The following PTCH1 variants were observed in gnomAD, a reference collection of about 807,000 sequenced individuals.
PTCH1 encodes patched 1, also known as protein patched homolog 1.
PTCH1 carries 14 observed loss-of-function variants against 144.6 expected under a neutral mutation model. The observed-to-expected ratio is 0.10, with a 90% confidence interval of 0.06 to 0.15. The LOEUF (loss-of-function observed/expected upper bound fraction) is 0.15. Among genes scored for constraint, PTCH1 ranks in the 10% least tolerant of loss-of-function variants. The probability of loss-of-function intolerance (pLI) is 1.00; values close to 1 mark genes in which losing one functional copy is unlikely to be tolerated. For synonymous variants in PTCH1, 833 were observed against 793.6 expected, an observed-to-expected ratio of 1.05 and a Z score of -0.83; for missense variants, 1,623 against 1,948.3, an observed-to-expected ratio of 0.83 and a Z score of 3.14.
At chr9:95,493,129 G>A (rs1842542099) in intron 2 of PTCH1, among the ~76,000 whole-genome samples, 1 of 152,210 alleles carries the variant, frequency 6.6e-6, no homozygotes, top group Non-Finnish European at 1.5e-5. Flanking sequence ...CAGGTGGGAT[G>A]CCAGCTGACC....
intron 1 of PTCH1, chr9:95,507,920 G>GCACA (rs763385604): frequency 3.1e-6 from 3 of 957,700 alleles, no homozygotes; most frequent in African/African-American, 2.4e-5. Flanking sequence ...ACACACACAC[G>GCACA]CACACACACA....
In PTCH1 at chr9:95,447,112, G is replaced by A. The variant is rs377484697; in HGVS notation, c.4144C>T (p.His1382Tyr). Residue 1382 changes from histidine (H) to tyrosine (Y), a missense_variant, in exon 23 of 24, where the codon CAC becomes TAC. Physicochemically the swap from His to Tyr is moderately conservative, Grantham distance 83. Around this residue, in one of 7 missense-constraint regions of PTCH1, gnomAD observed 291 missense variants for 287.4 expected, o/e 1.01. Coordinates refer to ENST00000331920, the MANE Select transcript of PTCH1 (RefSeq NM_000264.5). ...TASASVTVAV[H>Y]PPPVPGPGRN... is the part of the protein sequence containing the mutation. ...CCAGGCCCAGGGACAGGCGGCGGGT[G>A]CACGGCGACAGTCACGGAGGCAGAA... is the stretch of plus-strand genomic sequence containing the variant. The A allele has an allele frequency of 2.5e-6, 4 of 1,613,392 alleles. No individual in the cohort carries two copies. Among genetic ancestry groups the A allele is most frequent in the African/African-American group, 2.7e-5 (2 of 74,948 alleles).
At chr9:95,512,324 G>A (rs1564095836), upstream of PTCH1, among the ~76,000 whole-genome samples, 1 of 152,204 alleles carries the variant, frequency 6.6e-6, no homozygotes. Flanking sequence ...CTACCCGTGG[G>A]TTCCAGGACG....
intron 22 of PTCH1, 93 bp downstream of exon 22, chr9:95,448,976 T>C: frequency 6.5e-7 from 1 of 1,545,230 alleles, no homozygotes; most frequent in East Asian, 2.3e-5. Flanking sequence ...GCCTGTGTGA[T>C]GTGCTGCTCA....
Position 95,489,055 on chromosome 9 carries a change from A to G in PTCH1, c.395-3181T>C, listed in dbSNP as rs1050659291. Among the ~76,000 whole-genome samples, 3 of 152,206 alleles carry G rather than the reference A, an allele frequency of 2.0e-5. No individual in the cohort carries two copies. In the South Asian group the frequency reaches 6.2e-4, roughly 32 times the overall value. The stretch of plus-strand genomic sequence containing the variant: ...TCCCTCTCGGGTATAACTGTGTCAT[A>G]AAGTGCACGACACTCATATATTCTG... On this transcript the variant is annotated intron_variant, in intron 2 of 23. Transcript: ENST00000331920.
chr9:95,491,478 G>T (rs748777587), intron 2 of PTCH1, among the ~76,000 whole-genome samples: 1 of 152,192 alleles, frequency 6.6e-6, no homozygotes, highest in Non-Finnish European at 1.5e-5. Flanking sequence ...ACCCAAGAGC[G>T]GAGCAAGTGT....
Position 95,482,037 on chromosome 9 carries a change from T to C in PTCH1, c.658A>G (p.Ile220Val), listed in dbSNP as rs768776930. 1.9e-6 allele frequency: 3 copies of C among 1,613,392 alleles called. No homozygotes were observed. In the African/African-American group the frequency reaches 4.0e-5, roughly 22 times the overall value. Residue 220 changes from isoleucine (I) to valine (V), a missense_variant, in exon 5 of 24, where the codon ATA (isoleucine) becomes GTA (valine). Ile to Val is a conservative substitution (Grantham distance 29). Around this residue, in one of 7 missense-constraint regions of PTCH1, gnomAD observed 39 missense variants for 75.6 expected, o/e 0.52. Coordinates refer to ENST00000331920, the MANE Select transcript of PTCH1 (RefSeq NM_000264.5). Reference sequence around the variant, plus strand: ...ATCAAACAAGGGTAAAGATATTCTATTATCTGTCAAAGTTAAAAAGAAGAG... The same window carrying C: ...ATCAAACAAGGGTAAAGATATTCTACTATCTGTCAAAGTTAAAAAGAAGAG... ...ITETGYMDQI[I>V]EYLYPCLIIT... is the part of the protein sequence containing the mutation.
chr9:95,498,514 C>T lies in PTCH1; in HGVS notation c.394+7893G>A, dbSNP rs139084622. Among the ~76,000 whole-genome samples the T allele has an allele frequency of 2.5e-3, 380 of 152,312 alleles. 3 individuals carry two copies. The highest frequency in any genetic ancestry group is 8.5e-3 in the African/African-American group (355 of 41,550). On this transcript the variant is annotated intron_variant, in intron 2 of 23. Coordinates refer to ENST00000331920, the MANE Select transcript of PTCH1 (RefSeq NM_000264.5). Reference sequence around the variant, plus strand: ...ACAGTCATATTCCCTCCTGGAGGGACTAAGGATGGGGCGCATCTTCCTGTA... The same window carrying T: ...ACAGTCATATTCCCTCCTGGAGGGATTAAGGATGGGGCGCATCTTCCTGTA...
chr9:95,492,097 A>C (rs1216831502), intron 2 of PTCH1, among the ~76,000 whole-genome samples: 1 of 152,216 alleles, frequency 6.6e-6, no homozygotes, highest in Non-Finnish European at 1.5e-5. Flanking sequence ...TCGCCCCTAC[A>C]CAACCCACTC....
At position 95,445,810 on chromosome 9, in the gene PTCH1, G is replaced by A. The variant is rs1167080332; in HGVS notation, c.*583C>T. 6 of 155,316 alleles carry A rather than the reference G, an allele frequency of 3.9e-5. No individual in the cohort carries two copies. Among genetic ancestry groups the A allele is most frequent in the African/African-American group, 2.4e-5 (1 of 41,360 alleles). The allele number at this position is 155,316 out of a possible 1,614,324, so 9.6% of individuals were successfully genotyped here. A position where few individuals can be genotyped will look rare whatever the true frequency, so the allele number is the denominator to read the frequency against. ...GCCAAACAAGAGGACCGCACACAACGACACCTAGAGAAGCCACCAGGATTA... is the reference window on the plus strand; with the variant it reads ...GCCAAACAAGAGGACCGCACACAACAACACCTAGAGAAGCCACCAGGATTA... On this transcript the variant is annotated 3_prime_UTR_variant, in exon 24 of 24. Coordinates refer to ENST00000331920, the MANE Select transcript of PTCH1 (RefSeq NM_000264.5).
intron 1 of PTCH1, among the ~76,000 whole-genome samples, chr9:95,516,185 C>T (rs1256371382): frequency 6.6e-6 from 1 of 150,838 alleles, no homozygotes; most frequent in East Asian, 1.9e-4. Flanking sequence ...CCGGGGCCCG[C>T]CGCGGCCAGC....
intron 1 of PTCH1, chr9:95,507,592 T>C (rs1843790716): frequency 5.3e-6 from 2 of 375,248 alleles, no homozygotes; most frequent in Non-Finnish European, 7.3e-6. Flanking sequence ...TTTCCGAGAA[T>C]AATTTTTTAA....
chr9:95,512,742 C>G (rs1844216018), upstream of PTCH1, among the ~76,000 whole-genome samples: 1 of 152,184 alleles, frequency 6.6e-6, no homozygotes, highest in African/African-American at 2.4e-5. Context: ...ACTGGGGCAG[C>G]CAGACCTGCT....
In PTCH1 at chr9:95,462,101, G is replaced by C. The variant is rs944564286; in HGVS notation, c.2561-103C>G. The stretch of plus-strand genomic sequence containing the variant: ...GACTGAGCAGGGCAGGGGGCTCTTA[G>C]ACGTCCATCAGAAACACACCCTCTG... On this transcript the variant is annotated intron_variant, in intron 15 of 23. Coordinates refer to ENST00000331920, the MANE Select transcript of PTCH1 (RefSeq NM_000264.5). 2.9e-6 allele frequency: 4 copies of C among 1,357,710 alleles called. No homozygotes were observed. In the Admixed American group the frequency reaches 6.7e-5, roughly 23 times the overall value. The allele number at this position is 1,357,710 out of a possible 1,614,324, so 84.1% of individuals were successfully genotyped here.
rs2274690 is a variant in PTCH1, at chr9:95,453,686, C to G, written c.3307-66G>C. On this transcript the variant is annotated intron_variant, in intron 19 of 23. Coordinates refer to ENST00000331920, the MANE Select transcript of PTCH1 (RefSeq NM_000264.5). ...TCACCTGGTAAATGCTCAGCTCTGT[C>G]CTAAATGTTACAAGCTCTCAGAACT... The G allele has an allele frequency of 0.023, 36,049 of 1,599,792 alleles. 1,223 individuals are homozygous for G. The highest frequency in any genetic ancestry group is 0.13 in the East Asian group (5,739 of 44,774).
Position 95,449,243 on chromosome 9 carries a change from C to T in PTCH1, c.3630G>A (p.Pro1210=), listed in dbSNP as rs926583525. The T allele has an allele frequency of 5.1e-6, 8 of 1,581,154 alleles. No homozygotes were observed. Among genetic ancestry groups the T allele is most frequent in the East Asian group, 2.3e-5 (1 of 43,498 alleles). The change falls in exon 22 of 24, where the codon CCG becomes CCA. Residue 1210 remains proline, a synonymous_variant. Coordinates refer to ENST00000331920, the MANE Select transcript of PTCH1 (RefSeq NM_000264.5). This position sits in a 1 kb window ranked among gnomAD's most constrained non-coding sequence, Gnocchi z 5.3. ...PPPSVVRFAM[P]PGHTHSGSDS... ...CAGACCCGCTGTGCGTGTGGCCGGG[C>T]GGCATGGCGAAGCGGACCACGCTGG...
Position 95,506,589 on chromosome 9 carries a change from G to A in PTCH1, c.212C>T (p.Thr71Ile), listed in dbSNP as rs529720410. ...ALEQISKGKATGRKAPLWLRA... is the reference protein window; with the variant it reads ...ALEQISKGKAIGRKAPLWLRA... Reference sequence around the variant, plus strand: ...CAGCCACAGCGGCGCTTTCCGGCCAGTAGCCTTCCCCTGGGGACGAAGCAG... The same window carrying A: ...CAGCCACAGCGGCGCTTTCCGGCCAATAGCCTTCCCCTGGGGACGAAGCAG... The change falls in exon 2 of 24, where the codon ACT becomes ATT. Residue 71 changes from threonine (T) to isoleucine (I), a missense_variant. This residue lies in a region of PTCH1 where 245 missense variants were observed against 240.6 expected (regional missense o/e 1.02). Coordinates refer to ENST00000331920, the MANE Select transcript of PTCH1 (RefSeq NM_000264.5). 61 of 1,611,908 alleles carry A rather than the reference G, an allele frequency of 3.8e-5. No homozygotes were observed. The South Asian group carries it at 4.1e-4, about 11-fold the overall frequency.
Position 95,476,804 on chromosome 9 carries a change from G to C in PTCH1, c.1557C>G (p.Ala519=), listed in dbSNP as rs749296474. 6.2e-7 allele frequency: 1 copy of C among 1,614,046 alleles called. No individual in the cohort carries two copies. Among genetic ancestry groups the C allele is most frequent in the African/African-American group, 1.3e-5 (1 of 75,032 alleles). The change falls in exon 11 of 24, where the codon GCC becomes GCG. Residue 519 remains alanine, a synonymous_variant. Coordinates refer to ENST00000331920, the MANE Select transcript of PTCH1 (RefSeq NM_000264.5). The surrounding 1 kb of genome is among the most constrained non-coding windows in gnomAD (Gnocchi z 4.6). ...GVGVDDVFLL[A]HAFSETGQNK... ...TCTGTCCTGTTTCACTGAAGGCGTGGGCCAGAAGAAAAACATCATCCACAC... is the reference window on the plus strand; with the variant it reads ...TCTGTCCTGTTTCACTGAAGGCGTGCGCCAGAAGAAAAACATCATCCACAC...
At chr9:95,509,608 C>G (rs931980029), upstream of PTCH1, among the ~76,000 whole-genome samples, 1 of 152,182 alleles carries the variant, frequency 6.6e-6, no homozygotes, top group Admixed American at 6.5e-5. Flanking sequence ...CACACACGCG[C>G]GCGCACGCAC....
Sources: allele counts gnomAD v4.1 joint callset (sites outside exome capture counted in the v4.1 genomes callset), GRCh38; gene constraint gnomAD v4.1.1; regional missense constraint gnomAD v4.1.1; non-coding constraint Gnocchi (gnomAD v3.1); transcripts MANE v1.5; gene names NCBI Gene and HGNC (gene_info 2026-07-23, HGNC 2026-07-21).